Variants in LRMDA observed in about 807,000 individuals in gnomAD.
LRMDA encodes the protein leucine rich melanocyte differentiation associated.
Under a neutral mutation model 29.8 loss-of-function variants are expected in LRMDA, and 18 were observed. The observed-to-expected ratio is 0.60, with a 90% CI of 0.42 to 0.90. LRMDA has a LOEUF of 0.90. Among genes scored for constraint, LRMDA ranks in the 40% least tolerant of loss-of-function variants. LRMDA has a pLI of 0.00. For missense variants in LRMDA, 273 were observed against 273.9 expected (o/e 1.00, Z 0.02); for synonymous variants, 125 against 109.4 (o/e 1.14, Z -0.89).
At chr10:75,735,512 G>A (rs1188549210) in intron 2 of LRMDA, among the ~76,000 whole-genome samples, 1 of 152,114 alleles carries the variant, frequency 6.6e-6, no homozygotes, top group Admixed American at 6.5e-5. Flanking sequence ...TCCTGGATTG[G>A]TACTGAGGGA....
intron 6 of LRMDA, among the ~76,000 whole-genome samples, chr10:76,360,416 A>G (rs1841297801): frequency 6.6e-6 from 1 of 152,180 alleles, no homozygotes; most frequent in South Asian, 2.1e-4. Context: ...TACAGGGGCT[A>G]TATCTTTAAA....
chr10:76,047,348 G>A (rs1253172416), intron 4 of LRMDA, 45 bp downstream of exon 4: 1 of 1,546,412 alleles, frequency 6.5e-7, no homozygotes. Context: ...GGGAAAAAGA[G>A]AAACTTTAGG....
intron 2 of LRMDA, among the ~76,000 whole-genome samples, chr10:75,454,471 A>G (rs1194258916): frequency 6.6e-6 from 1 of 152,148 alleles, no homozygotes; most frequent in African/African-American, 2.4e-5. Flanking sequence ...ACTCTGGGGT[A>G]TCGTTTTCCG....
At chr10:76,035,234 A>G (rs1414052749) in intron 2 of LRMDA, among the ~76,000 whole-genome samples, 2 of 152,192 alleles carry the variant, frequency 1.3e-5, no homozygotes, top group East Asian at 3.9e-4. Flanking sequence ...AAATTAAAAC[A>G]GTAACTTCAG....
rs185855898 is a variant in LRMDA, at chr10:76,193,108, G to A, written c.517-131293G>A. The stretch of plus-strand genomic sequence containing the variant: ...TAGGTTGCATAAATATTTAGTTAGA[G>A]ATATGAGCGTGTTTCTTGAAGCTGT... On this transcript the variant is annotated intron_variant, in intron 5 of 6. Transcript: ENST00000611255. Among the ~76,000 whole-genome samples the A allele has an allele frequency of 5.9e-5, 9 of 152,296 alleles. No individual in the cohort carries two copies. The East Asian group carries it at 1.7e-3, about 29-fold the overall frequency.
At chr10:75,441,030 T>TCC (rs1564771906) in intron 2 of LRMDA, among the ~76,000 whole-genome samples, 1 of 151,340 alleles carries the variant, frequency 6.6e-6, no homozygotes, top group African/African-American at 2.4e-5. Flanking sequence ...AGGGTGAAAC[T>TCC]GTCTCAAAAA....
At chr10:75,669,130 TC>T (rs1211176090) in intron 2 of LRMDA, among the ~76,000 whole-genome samples, 1 of 152,186 alleles carries the variant, frequency 6.6e-6, no homozygotes, top group African/African-American at 2.4e-5. Context: ...GTATTTGGGA[TC>T]CCCACAAAGT....
intron 2 of LRMDA, among the ~76,000 whole-genome samples, chr10:75,623,231 T>G (rs1050628370): frequency 6.6e-6 from 1 of 152,226 alleles, no homozygotes; most frequent in Admixed American, 6.5e-5. Flanking sequence ...CAGCATTAGA[T>G]CTATCTGATT....
chr10:76,191,841 C>T (rs1851252794), intron 5 of LRMDA, among the ~76,000 whole-genome samples: 1 of 152,088 alleles, frequency 6.6e-6, no homozygotes, highest in Non-Finnish European at 1.5e-5. Flanking sequence ...TGGAAACGAT[C>T]GTTAGAAAAA....
intron 2 of LRMDA, among the ~76,000 whole-genome samples, chr10:75,452,593 T>TA (rs1844474287): frequency 6.6e-6 from 1 of 150,622 alleles, no homozygotes; most frequent in Non-Finnish European, 1.5e-5. Flanking sequence ...TTTTTTTTTT[T>TA]AATGTATCCA....
intron 2 of LRMDA, among the ~76,000 whole-genome samples, chr10:76,027,019 A>T (rs1269596108): frequency 6.6e-6 from 1 of 152,214 alleles, no homozygotes; most frequent in Admixed American, 6.5e-5. Context: ...TTGATTCTGC[A>T]TTCTGGAACC....
chr10:76,140,641 G>C (rs1850181497), intron 5 of LRMDA, among the ~76,000 whole-genome samples: 1 of 152,086 alleles, frequency 6.6e-6, no homozygotes, highest in Non-Finnish European at 1.5e-5. Context: ...AGCAGCTTCA[G>C]AACCAAAGAC....
At chr10:76,109,398 C>T (rs1204420896) in intron 5 of LRMDA, among the ~76,000 whole-genome samples, 2 of 152,192 alleles carry the variant, frequency 1.3e-5, no homozygotes, top group Non-Finnish European at 2.9e-5. Flanking sequence ...CTAGCTACTC[C>T]ACCCATGTGA....
At chr10:76,378,880 G>A (rs1184843389) in intron 6 of LRMDA, among the ~76,000 whole-genome samples, 1 of 103,032 alleles carries the variant, frequency 9.7e-6, no homozygotes, top group Admixed American at 1.4e-4. Context: ...TTTTTGAGAC[G>A]ATGTCTTGCT....
chr10:75,473,686 G>A (rs908401768), intron 2 of LRMDA, among the ~76,000 whole-genome samples: 3 of 152,230 alleles, frequency 2.0e-5, no homozygotes. Flanking sequence ...TTCCTCATCT[G>A]TGGCATGCTG....
intron 3 of LRMDA, among the ~76,000 whole-genome samples, chr10:76,043,932 G>A (rs1006143085): frequency 6.6e-5 from 10 of 152,202 alleles, no homozygotes; most frequent in East Asian, 1.9e-4. Flanking sequence ...GTTTTGGTCC[G>A]GGCTTTCCAT....
intron 6 of LRMDA, among the ~76,000 whole-genome samples, chr10:76,506,615 C>T (rs1369393051): frequency 1.3e-5 from 2 of 152,060 alleles, no homozygotes; most frequent in Non-Finnish European, 2.9e-5. Context: ...AACTTTTCTT[C>T]ATCCCTCTCT....
At chr10:75,926,167 T>G (rs1846116983) in intron 2 of LRMDA, among the ~76,000 whole-genome samples, 1 of 152,146 alleles carries the variant, frequency 6.6e-6, no homozygotes, top group African/African-American at 2.4e-5. Context: ...ATTATTCTTG[T>G]GTGTCTAAGG....
intron 2 of LRMDA, among the ~76,000 whole-genome samples, chr10:75,520,528 C>T (rs1371267736): frequency 6.6e-6 from 1 of 152,198 alleles, no homozygotes; most frequent in East Asian, 1.9e-4. Context: ...TCAGCTCCAT[C>T]AGGTCATTTA....
Sources: allele counts gnomAD v4.1 joint callset (sites outside exome capture counted in the v4.1 genomes callset), GRCh38; gene constraint gnomAD v4.1.1; transcripts MANE v1.5; gene names NCBI Gene and HGNC (gene_info 2026-07-23, HGNC 2026-07-21).